The following STAT5B variants were observed in gnomAD, a reference collection of about 807,000 sequenced individuals.
STAT5B encodes the protein signal transducer and activator of transcription 5B.
A neutral mutation model predicts 107.8 loss-of-function variants in STAT5B; 21 were observed. The observed-to-expected ratio is 0.19, with a 90% CI of 0.14 to 0.28. The LOEUF (loss-of-function observed/expected upper bound fraction) is 0.28, where lower values mean the gene tolerates loss of function less well. Ranked by LOEUF, STAT5B falls within the 10% of genes least tolerant of loss-of-function variation. The pLI is 1.00. For missense variants in STAT5B, 565 were observed against 1,008.2 expected (o/e 0.56, Z 5.95); for synonymous variants, 325 against 401.7 (o/e 0.81, Z 2.28).
At chr17:42,282,990 G>C in the STAT5B span, among the ~76,000 whole-genome samples, 1 of 152,020 alleles carries the variant, frequency 6.6e-6, no homozygotes, top group Admixed American at 6.6e-5. Context: ...TGAGACTTAA[G>C]AAACGAAGAA....
At chr17:42,271,485 T>C (rs2080721743) in intron 1 of STAT5B, 1 of 152,230 alleles carries the variant, frequency 6.6e-6, no homozygotes, top group Non-Finnish European at 1.5e-5. Context: ...CTCTATATCT[T>C]AGTATAATTT....
Position 42,199,591 on chromosome 17 carries a change from C to G in STAT5B, c.*2147G>C, listed in dbSNP as rs1049103345. ...AACAAGGAGGAGAGAGAAGATAGAA[C>G]GCAGAGAGCGAGCACACCTTTCATC... On this transcript the variant is annotated 3_prime_UTR_variant, in exon 19 of 19. Coordinates refer to ENST00000293328, the MANE Select transcript of STAT5B (RefSeq NM_012448.4). 1 of 152,244 alleles carries G rather than the reference C, an allele frequency of 6.6e-6. No individual in the cohort carries two copies. The highest frequency in any genetic ancestry group is 6.6e-5 in the Admixed American group (1 of 15,254). The allele number at this position is 152,244 out of a possible 1,614,324, so 9.4% of individuals were successfully genotyped here. A position where few individuals can be genotyped will look rare whatever the true frequency, so the allele number is the denominator to read the frequency against.
intron 1 of STAT5B, among the ~76,000 whole-genome samples, chr17:42,243,795 A>T (rs1273885061): frequency 1.3e-5 from 2 of 152,070 alleles, no homozygotes; most frequent in African/African-American, 2.4e-5. Context: ...AAAAATCTGG[A>T]CTTCTTAGGC....
intron 1 of STAT5B, among the ~76,000 whole-genome samples, chr17:42,262,833 T>G (rs1378543360): frequency 8.4e-6 from 1 of 119,658 alleles, no homozygotes; most frequent in East Asian, 2.5e-4. Flanking sequence ...TGTGTATATA[T>G]ACACACATAT....
Position 42,211,992 on chromosome 17 carries a change from A to T in STAT5B, c.1672T>A (p.Phe558Ile). ...YSGLSVSWSQ[F>I]NRENLPGRNY... ...GCAGCTGGGCTCCTCACCCTGTTGA[A>T]CTGGGACCAGGACACAGACAGGCCA... The change falls in exon 13 of 19, where the codon TTC becomes ATC. Residue 558 changes from phenylalanine to isoleucine, a missense_variant. Physicochemically the swap from Phe to Ile is conservative, Grantham distance 21. Transcript: ENST00000293328. The T allele has an allele frequency of 6.2e-7, 1 of 1,612,016 alleles. No homozygotes were observed. The highest frequency in any genetic ancestry group is 8.5e-7 in the Non-Finnish European group (1 of 1,179,108).
rs1404319400 is a variant in STAT5B, at chr17:42,199,441, C to A, written c.*2297G>T. 2.0e-5 allele frequency: 3 copies of A among 152,232 alleles called. No homozygotes were observed. Among genetic ancestry groups the A allele is most frequent in the African/African-American group, 7.2e-5 (3 of 41,420 alleles). 9.4% of individuals were successfully genotyped at this position (152,232 alleles called of 1,614,324 possible). On this transcript the variant is annotated 3_prime_UTR_variant, in exon 19 of 19. Coordinates refer to ENST00000293328, the MANE Select transcript of STAT5B (RefSeq NM_012448.4). ...ATTCGATTTTAGTCTCCCCCTACCCCCTAGAAAAAACCTGCACATCTCACA... is the reference window on the plus strand; with the variant it reads ...ATTCGATTTTAGTCTCCCCCTACCCACTAGAAAAAACCTGCACATCTCACA...
At chr17:42,229,518 T>C (rs976427260) in intron 2 of STAT5B, among the ~76,000 whole-genome samples, 3 of 151,760 alleles carry the variant, frequency 2.0e-5, no homozygotes, top group African/African-American at 7.3e-5. Flanking sequence ...GGTTCTTTAC[T>C]TGAAACCTTA....
the STAT5B span, among the ~76,000 whole-genome samples, chr17:42,285,002 G>A: frequency 6.6e-6 from 1 of 152,118 alleles, no homozygotes; most frequent in Non-Finnish European, 1.5e-5. Context: ...CGAATATAGT[G>A]TGCCAACTGA....
intron 1 of STAT5B, among the ~76,000 whole-genome samples, chr17:42,243,317 C>T (rs8075044): frequency 0.011 from 1,739 of 152,180 alleles, 26 homozygotes; most frequent in African/African-American, 0.039. Flanking sequence ...GATTGCGCCA[C>T]TTGCACTCCA....
intron 1 of STAT5B, among the ~76,000 whole-genome samples, chr17:42,258,209 G>A (rs1466533239): frequency 6.6e-6 from 1 of 151,996 alleles, no homozygotes; most frequent in Non-Finnish European, 1.5e-5. Flanking sequence ...CCTACTTTTG[G>A]CAACATAGTA....
rs1203289445 is a variant in STAT5B at position 42,245,252 on chromosome 17, AG to A, written c.-10-13116del. Among the ~76,000 whole-genome samples the A allele has an allele frequency of 2.0e-5, 3 of 150,184 alleles. No homozygotes were observed. In the East Asian group the frequency reaches 6.0e-4, roughly 30 times the overall value. On this transcript the variant is annotated intron_variant, in intron 1 of 18. Coordinates refer to ENST00000293328, the MANE Select transcript of STAT5B (RefSeq NM_012448.4). The stretch of plus-strand genomic sequence containing the variant: ...GCCACCATGCCCAGCTAATTTTTGT[AG>A]TTTTAGTAGAGACAGGGTTTCACCA...
upstream of STAT5B, among the ~76,000 whole-genome samples, chr17:42,280,959 C>A (rs1030871247): frequency 1.5e-4 from 23 of 151,934 alleles, no homozygotes; most frequent in African/African-American, 5.6e-4. Flanking sequence ...ACGGTGAAAC[C>A]CTGACTCTAC....
intron 1 of STAT5B, among the ~76,000 whole-genome samples, chr17:42,263,431 G>A (rs763788045): frequency 3.3e-5 from 5 of 151,892 alleles, no homozygotes; most frequent in South Asian, 2.1e-4. Context: ...CAAATTCTAC[G>A]TTCTAAGACA....
At chr17:42,236,353 A>T (rs1030198761) in intron 1 of STAT5B, among the ~76,000 whole-genome samples, 9 of 152,222 alleles carry the variant, frequency 5.9e-5, no homozygotes, top group African/African-American at 2.2e-4. Flanking sequence ...TACTGAGATT[A>T]TCATTATAAA....
intron 16 of STAT5B, chr17:42,203,059 CA>C (rs1319081886): frequency 9.7e-6 from 5 of 518,026 alleles, no homozygotes; most frequent in Non-Finnish European, 1.8e-5. Flanking sequence ...TCCGATGCCT[CA>C]GCCTCCTGAG....
chr17:42,251,170 G>A (rs2080496476), intron 1 of STAT5B, among the ~76,000 whole-genome samples: 1 of 152,070 alleles, frequency 6.6e-6, no homozygotes, highest in Admixed American at 6.6e-5. Flanking sequence ...TTTGGGGGGT[G>A]GGGGTTCACC....
chr17:42,213,916 T>C (rs1285403652), intron 12 of STAT5B, among the ~76,000 whole-genome samples: 3 of 149,824 alleles, frequency 2.0e-5, no homozygotes, highest in Admixed American at 6.6e-5. Context: ...CCGAGGTGGG[T>C]GGATCACTTG....
chr17:42,211,406 T>C (rs1177636623), intron 13 of STAT5B, among the ~76,000 whole-genome samples: 1 of 151,946 alleles, frequency 6.6e-6, no homozygotes, highest in East Asian at 1.9e-4. Context: ...CTCGGGAGGC[T>C]GAGGCAGGAG....
chr17:42,272,124 C>G (rs1355755082), intron 1 of STAT5B: 1 of 152,210 alleles, frequency 6.6e-6, no homozygotes. Context: ...CTCCACTTAA[C>G]TCATCCTGCA....
Sources: allele counts gnomAD v4.1 joint callset (sites outside exome capture counted in the v4.1 genomes callset), GRCh38; gene constraint gnomAD v4.1.1; transcripts MANE v1.5; gene names NCBI Gene and HGNC (gene_info 2026-07-23, HGNC 2026-07-21).